Variants in LPP observed in about 807,000 individuals in gnomAD.
LPP encodes LIM domain containing preferred translocation partner in lipoma, also known as lipoma-preferred partner.
A neutral mutation model predicts 60.4 loss-of-function variants in LPP; 38 were observed. The ratio of observed to expected loss-of-function variants is 0.63; its 90% CI spans 0.49 to 0.83. LPP has a LOEUF of 0.83. LPP is among the 40% of genes least tolerant of loss of function. The pLI is 0.00. For missense variants in LPP, 902 were observed against 783.6 expected (o/e 1.15, Z -1.80); for synonymous variants, 328 against 290.8 (o/e 1.13, Z -1.30).
chr3:188,467,888 C>T (rs536017139), intron 4 of LPP, among the ~76,000 whole-genome samples: 1 of 152,278 alleles, frequency 6.6e-6, no homozygotes, highest in Admixed American at 6.5e-5. Context: ...TAACTGATTT[C>T]TGATTTATAG....
intron 6 of LPP, among the ~76,000 whole-genome samples, chr3:188,561,177 A>G (rs1191625903): frequency 6.6e-6 from 1 of 152,086 alleles, no homozygotes; most frequent in African/African-American, 2.4e-5. Flanking sequence ...TCATTTTCTA[A>G]TATACTTGTA....
At chr3:188,828,020 A>T (rs1473342064) in intron 9 of LPP, among the ~76,000 whole-genome samples, 2 of 152,162 alleles carry the variant, frequency 1.3e-5, no homozygotes, top group East Asian at 3.9e-4. Context: ...CAATAGGATA[A>T]AGTGTAACAT....
At chr3:188,657,347 A>G (rs1853522103) in intron 7 of LPP, among the ~76,000 whole-genome samples, 1 of 148,916 alleles carries the variant, frequency 6.7e-6, no homozygotes, top group African/African-American at 2.5e-5. Context: ...TAAAAAATGT[A>G]TAAAAAAGGC....
chr3:188,387,392 T>C (rs1778574544), intron 3 of LPP, among the ~76,000 whole-genome samples: 1 of 152,172 alleles, frequency 6.6e-6, no homozygotes, highest in Non-Finnish European at 1.5e-5. Context: ...TGCATATTCT[T>C]GAATGATTAC....
At chr3:188,785,674 T>C (rs546957233) in intron 9 of LPP, among the ~76,000 whole-genome samples, 1 of 151,500 alleles carries the variant, frequency 6.6e-6, no homozygotes, top group South Asian at 2.1e-4. Flanking sequence ...ATAAACATGC[T>C]TGTGCAAGTA....
intron 8 of LPP, among the ~76,000 whole-genome samples, chr3:188,739,129 A>G (rs956529363): frequency 6.6e-6 from 1 of 152,102 alleles, no homozygotes; most frequent in Non-Finnish European, 1.5e-5. Context: ...TAATTTCTGT[A>G]ATAATTTGAA....
At chr3:188,416,709 C>T (rs974571106) in intron 4 of LPP, among the ~76,000 whole-genome samples, 1 of 152,178 alleles carries the variant, frequency 6.6e-6, no homozygotes, top group African/African-American at 2.4e-5. Context: ...ATATGTTGTC[C>T]TGGGTCATTT....
At chr3:188,248,468 TTATATATA>T (rs55811112) in intron 2 of LPP, among the ~76,000 whole-genome samples, 2,267 of 84,152 alleles carry the variant, frequency 0.027, 281 homozygotes, top group African/African-American at 0.11. Context: ...CAGTATAACT[TTATATATA>T]TATATATATA....
At chr3:188,794,639 A>G (rs931940597) in intron 9 of LPP, among the ~76,000 whole-genome samples, 1 of 152,164 alleles carries the variant, frequency 6.6e-6, no homozygotes, top group Non-Finnish European at 1.5e-5. Context: ...ATTCGATATC[A>G]CCTAATACAA....
intron 7 of LPP, among the ~76,000 whole-genome samples, chr3:188,611,312 G>T (rs1266761506): frequency 6.6e-6 from 1 of 152,154 alleles, no homozygotes; most frequent in African/African-American, 2.4e-5. Flanking sequence ...TCTATGAAAA[G>T]AAATGTTATT....
intron 5 of LPP, among the ~76,000 whole-genome samples, chr3:188,505,832 A>G (rs1813291689): frequency 6.6e-6 from 1 of 152,190 alleles, no homozygotes; most frequent in Admixed American, 6.5e-5. Flanking sequence ...GCATATCTGT[A>G]ACCACTTAGT....
At chr3:188,411,875 T>C (rs542853568) in intron 4 of LPP, among the ~76,000 whole-genome samples, 10 of 152,316 alleles carry the variant, frequency 6.6e-5, no homozygotes, top group Middle Eastern at 3.4e-3. Flanking sequence ...GAAATTATCT[T>C]ACTAATACAC....
At chr3:188,410,193 A>C (rs979710591) in intron 4 of LPP, among the ~76,000 whole-genome samples, 65 of 152,212 alleles carry the variant, frequency 4.3e-4, no homozygotes, top group African/African-American at 1.6e-3. Flanking sequence ...AACTGAATTA[A>C]TTGATAAAGC....
chr3:188,743,559 TA>T (rs1004575505), intron 8 of LPP: 1 of 152,090 alleles, frequency 6.6e-6, no homozygotes, highest in Non-Finnish European at 1.5e-5. Flanking sequence ...AGTCTATTGC[TA>T]AATGAAGGGC....
intron 1 of LPP, among the ~76,000 whole-genome samples, chr3:188,174,192 A>G (rs141351594): frequency 3.4e-4 from 52 of 152,358 alleles, no homozygotes; most frequent in African/African-American, 9.4e-4. Context: ...TCATGAGGAA[A>G]TCTGTGACAC....
At chr3:188,760,459 T>C (rs1419476649) in intron 9 of LPP, among the ~76,000 whole-genome samples, 177 bp downstream of exon 9, 1 of 116,466 alleles carries the variant, frequency 8.6e-6, no homozygotes, top group African/African-American at 3.2e-5. Flanking sequence ...TAAATTAGCA[T>C]ATTGTAATTT....
intron 1 of LPP, among the ~76,000 whole-genome samples, chr3:188,158,357 G>A (rs1717161759): frequency 6.6e-6 from 1 of 152,154 alleles, no homozygotes; most frequent in South Asian, 2.1e-4. Context: ...GTTGGCTTGA[G>A]GGAACATATG....
intron 6 of LPP, among the ~76,000 whole-genome samples, chr3:188,590,330 T>C (rs778325002): frequency 4.6e-5 from 7 of 152,168 alleles, no homozygotes; most frequent in Non-Finnish European, 1.0e-4. Context: ...CCCAGTACTT[T>C]GGGAGGCCGA....
intron 3 of LPP, among the ~76,000 whole-genome samples, chr3:188,371,634 TATATATA>T (rs1319621694): frequency 9.2e-5 from 3 of 32,602 alleles, no homozygotes; most frequent in African/African-American, 2.2e-4. Flanking sequence ...TATATATATA[TATATATA>T]TTTTTTTTTT....
Sources: gnomAD v4.1 joint callset for allele counts (sites outside exome capture counted in the v4.1 genomes callset) on GRCh38, gnomAD v4.1.1 for gene constraint, MANE v1.5 for transcripts, NCBI Gene and HGNC (gene_info 2026-07-23, HGNC 2026-07-21) for gene names.